The following ADSS2 variants were observed in gnomAD, a reference collection of about 807,000 sequenced individuals.
ADSS2 encodes adenylosuccinate synthase 2.
In ADSS2, 30 loss-of-function variants were observed where a neutral mutation model predicts 60.0. The observed-to-expected ratio is 0.50, with a 90% CI of 0.37 to 0.68. ADSS2 has a LOEUF of 0.68. ADSS2 is among the 30% of genes least tolerant of loss of function. ADSS2 has a pLI of 0.00. For missense variants in ADSS2, 373 were observed against 554.8 expected, an observed-to-expected ratio of 0.67 and a Z score of 3.29; for synonymous variants, 187 against 193.1, an observed-to-expected ratio of 0.97 and a Z score of 0.26.
chr1:244,447,510 C>T (rs909328323), intron 1 of ADSS2, among the ~76,000 whole-genome samples: 2 of 152,060 alleles, frequency 1.3e-5, no homozygotes, highest in East Asian at 1.9e-4. Flanking sequence ...CCTCATTGAC[C>T]GAACATTGAG....
chr1:244,447,071 A>C (rs1665409306), intron 1 of ADSS2, among the ~76,000 whole-genome samples: 1 of 151,980 alleles, frequency 6.6e-6, no homozygotes, highest in East Asian at 1.9e-4. Context: ...AGCCACAGGA[A>C]CTCCCCTTCA....
At chr1:244,415,859 T>C in intron 11 of ADSS2, 122 bp downstream of exon 11, 3 of 679,054 alleles carry the variant, frequency 4.4e-6, no homozygotes, top group Non-Finnish European at 7.3e-6. Context: ...AAATTTGCAC[T>C]AATCATAAAG....
chr1:244,415,256 C>G (rs78541513), intron 11 of ADSS2, among the ~76,000 whole-genome samples: 2,068 of 152,190 alleles, frequency 0.014, 30 homozygotes, highest in Middle Eastern at 0.027. Flanking sequence ...AATTAAGAAC[C>G]AGGACATAAC....
At chr1:244,449,266 G>A (rs1665473629) in intron 1 of ADSS2, among the ~76,000 whole-genome samples, 1 of 152,186 alleles carries the variant, frequency 6.6e-6, no homozygotes, top group African/African-American at 2.4e-5. Flanking sequence ...TTTATGTTGG[G>A]AGAAAGTCCT....
rs1485918417 is a variant in ADSS2 at position 244,451,338 on chromosome 1, C to T, written c.183+297G>A. 6.6e-6 allele frequency among the ~76,000 whole-genome samples: 1 copy of T among 152,190 alleles called. No homozygotes were observed. Among genetic ancestry groups the T allele is most frequent in the Non-Finnish European group, 1.5e-5 (1 of 68,024 alleles). The stretch of plus-strand genomic sequence containing the variant: ...CGGCCTCAGTCCCGGCGCTGAGCAC[C>T]ACTCGCCAGACGCAAAACTGCAACT... On this transcript the variant is annotated intron_variant, in intron 1 of 12. Coordinates refer to ENST00000366535, the MANE Select transcript of ADSS2 (RefSeq NM_001126.5). This position sits in a 1 kb window ranked among gnomAD's most constrained non-coding sequence, Gnocchi z 6.6.
chr1:244,420,464 T>C (rs1318540334), intron 7 of ADSS2, among the ~76,000 whole-genome samples, 168 bp from the exon 8 acceptor site: 1 of 148,818 alleles, frequency 6.7e-6, no homozygotes, highest in African/African-American at 2.5e-5. Flanking sequence ...AGCTTTCATG[T>C]CTCATGCTGA....
At chr1:244,436,961 T>C in intron 2 of ADSS2, 68 bp from the exon 3 acceptor site, 2 of 1,343,774 alleles carry the variant, frequency 1.5e-6, no homozygotes, top group South Asian at 1.3e-5. Flanking sequence ...TTAAAGGACA[T>C]TCTGATTTAC....
In ADSS2 at chr1:244,451,829, C is replaced by CG; in HGVS notation, c.-13dup. On this transcript the variant is annotated 5_prime_UTR_variant, in exon 1 of 13. Coordinates refer to ENST00000366535, the MANE Select transcript of ADSS2 (RefSeq NM_001126.5). This position sits in a 1 kb window ranked among gnomAD's most constrained non-coding sequence, Gnocchi z 6.6. ...TCGGCGAACGCCATGGCTCCAGTGA[C>CG]GCGAGGAGAGCCCGAAGGAGAGGCG... 6.4e-7 allele frequency: 1 copy of CG among 1,569,512 alleles called. No homozygotes were observed. The highest frequency in any genetic ancestry group is 8.6e-7 in the Non-Finnish European group (1 of 1,160,690).
At chr1:244,436,766 G>A in intron 3 of ADSS2, 59 bp downstream of exon 3, 1 of 1,429,944 alleles carries the variant, frequency 7.0e-7, no homozygotes, top group Admixed American at 1.8e-5. Context: ...TCTGGCATAA[G>A]ATCCTAATAA....
At chr1:244,431,328 T>C (rs969534908) in intron 4 of ADSS2, among the ~76,000 whole-genome samples, 2 of 152,214 alleles carry the variant, frequency 1.3e-5, no homozygotes, top group African/African-American at 4.8e-5. Flanking sequence ...AATTGCATGT[T>C]ATCATTTGGG....
chr1:244,435,992 G>A (rs533976186), intron 3 of ADSS2, among the ~76,000 whole-genome samples: 23 of 152,276 alleles, frequency 1.5e-4, no homozygotes, highest in African/African-American at 5.3e-4. Context: ...CTGTGGGAAC[G>A]CTGGTGTGGG....
At chr1:244,440,962 T>C (rs1665225529) in intron 1 of ADSS2, among the ~76,000 whole-genome samples, 2 of 152,184 alleles carry the variant, frequency 1.3e-5, no homozygotes, top group African/African-American at 4.8e-5. Flanking sequence ...TCCTGGTATA[T>C]ATTATTACTT....
intron 9 of ADSS2, 86 bp from the exon 10 acceptor site, chr1:244,417,838 G>C: frequency 7.9e-7 from 1 of 1,267,354 alleles, no homozygotes; most frequent in Non-Finnish European, 1.1e-6. Context: ...TCATAGCAAA[G>C]CCTCTTTGAG....
intron 4 of ADSS2, among the ~76,000 whole-genome samples, chr1:244,425,833 T>G (rs1335142643): frequency 2.0e-5 from 3 of 152,108 alleles, no homozygotes; most frequent in Non-Finnish European, 4.4e-5. Context: ...CACAGTTAGA[T>G]AAAAGTAACA....
chr1:244,427,995 G>C (rs978039524), intron 4 of ADSS2, among the ~76,000 whole-genome samples: 4 of 152,138 alleles, frequency 2.6e-5, no homozygotes, highest in Non-Finnish European at 4.4e-5. Flanking sequence ...TGACTGACTT[G>C]AAAAGAGAAA....
intron 9 of ADSS2, 102 bp from the exon 10 acceptor site, chr1:244,417,854 C>T: frequency 9.0e-7 from 1 of 1,114,702 alleles, no homozygotes; most frequent in Non-Finnish European, 1.3e-6. Context: ...TTGAGATAAA[C>T]ATCTTTCAGG....
At chr1:244,429,853 G>A (rs1376213476) in intron 4 of ADSS2, among the ~76,000 whole-genome samples, 1 of 152,028 alleles carries the variant, frequency 6.6e-6, no homozygotes, top group Non-Finnish European at 1.5e-5. Context: ...TTGCACTCCC[G>A]CCTGGGTGAC....
chr1:244,452,032 G>A, upstream of ADSS2: 1 of 423,904 alleles, frequency 2.4e-6, no homozygotes, highest in Non-Finnish European at 4.0e-6. Flanking sequence ...CGCGCAGGCC[G>A]GCCTCGGCAG....
chr1:244,440,614 T>C (rs1665214056), intron 1 of ADSS2, among the ~76,000 whole-genome samples: 1 of 152,144 alleles, frequency 6.6e-6, no homozygotes, highest in South Asian at 2.1e-4. Context: ...AGACACCAAG[T>C]GGCACAGAAC....
Sources: gnomAD v4.1 joint callset for allele counts (sites outside exome capture counted in the v4.1 genomes callset) on GRCh38, gnomAD v4.1.1 for gene constraint, Gnocchi (gnomAD v3.1) non-coding constraint, MANE v1.5 for transcripts, NCBI Gene and HGNC (gene_info 2026-07-23, HGNC 2026-07-21) for gene names.